Variants in THSD4 observed in about 807,000 individuals in gnomAD.
THSD4 encodes the protein thrombospondin type 1 domain containing 4.
THSD4 carries 69 observed loss-of-function variants against 119.0 expected under a neutral mutation model. The observed-to-expected ratio is 0.58, with a 90% confidence interval of 0.48 to 0.71. THSD4 has a LOEUF of 0.71. Ranked by LOEUF, THSD4 falls within the 30% of genes least tolerant of loss-of-function variation. THSD4 has a pLI of 0.00. For synonymous variants in THSD4, 524 were observed against 540.4 expected, an observed-to-expected ratio of 0.97 and a Z score of 0.42; for missense variants, 1,393 against 1,391.1, an observed-to-expected ratio of 1.00 and a Z score of -0.02.
At chr15:71,697,114 A>G (rs748112092) in intron 8 of THSD4, among the ~76,000 whole-genome samples, 1 of 152,222 alleles carries the variant, frequency 6.6e-6, no homozygotes, top group Non-Finnish European at 1.5e-5. Context: ...TCAAGTGGCC[A>G]CTGTTAAGAG....
intron 6 of THSD4, among the ~76,000 whole-genome samples, chr15:71,381,582 C>G (rs1205308642): frequency 6.6e-6 from 1 of 152,164 alleles, no homozygotes; most frequent in Admixed American, 6.5e-5. Flanking sequence ...TTTCCATGAA[C>G]CTCCTTGGAC....
intron 4 of THSD4, among the ~76,000 whole-genome samples, chr15:71,240,798 T>TACACACACAC (rs58462444): frequency 6.9e-6 from 1 of 145,512 alleles, no homozygotes; most frequent in Non-Finnish European, 1.5e-5. Flanking sequence ...TATATGTGTA[T>TACACACACAC]ACACACACAC....
intron 7 of THSD4, among the ~76,000 whole-genome samples, chr15:71,658,783 A>G (rs2051239925): frequency 1.3e-5 from 2 of 152,216 alleles, no homozygotes. Flanking sequence ...GGATGAGCAT[A>G]TTGAGATGAT....
At chr15:71,145,395 G>T (rs2040647808) in intron 2 of THSD4, among the ~76,000 whole-genome samples, 1 of 152,120 alleles carries the variant, frequency 6.6e-6, no homozygotes, top group Non-Finnish European at 1.5e-5. Context: ...TCTTATGAGG[G>T]AGACTTCTGG....
intron 8 of THSD4, among the ~76,000 whole-genome samples, chr15:71,697,419 T>C (rs1441310616): frequency 6.6e-6 from 1 of 152,142 alleles, no homozygotes; most frequent in East Asian, 1.9e-4. Context: ...TCAGGACAAC[T>C]CTTGCTCAGG....
At chr15:71,317,046 A>G (rs2045196947) in intron 6 of THSD4, among the ~76,000 whole-genome samples, 2 of 152,250 alleles carry the variant, frequency 1.3e-5, no homozygotes, top group Non-Finnish European at 2.9e-5. Context: ...TAGATTGCCT[A>G]AGTGTTTGCT....
At chr15:71,144,955 A>G (rs762312754) in intron 2 of THSD4, among the ~76,000 whole-genome samples, 4 of 152,180 alleles carry the variant, frequency 2.6e-5, no homozygotes, top group Non-Finnish European at 5.9e-5. Context: ...AGGAAATGGC[A>G]CTAAATGATA....
At chr15:71,130,767 C>T (rs562779605) in intron 1 of THSD4, among the ~76,000 whole-genome samples, 15 of 152,232 alleles carry the variant, frequency 9.9e-5, no homozygotes, top group South Asian at 8.3e-4. Context: ...TTTTTTGAGA[C>T]GGAGTCTTGC....
chr15:71,400,046 T>C (rs2046506302), intron 6 of THSD4, among the ~76,000 whole-genome samples: 1 of 152,104 alleles, frequency 6.6e-6, no homozygotes, highest in South Asian at 2.1e-4. Context: ...TAAAAAGAAA[T>C]TTTTGTTCAC....
At chr15:71,341,401 A>C (rs1245620133) in intron 6 of THSD4, 1 of 1,611,814 alleles carries the variant, frequency 6.2e-7, no homozygotes, top group South Asian at 1.1e-5. Flanking sequence ...CTAAACCCTT[A>C]AGTTCAGCAT....
At chr15:71,501,467 C>T (rs1415054157) in intron 7 of THSD4, among the ~76,000 whole-genome samples, 1 of 152,176 alleles carries the variant, frequency 6.6e-6, no homozygotes, top group African/African-American at 2.4e-5. Flanking sequence ...TTCTCAATCT[C>T]CCCTCCCTTT....
intron 7 of THSD4, among the ~76,000 whole-genome samples, chr15:71,597,231 G>T (rs766690817): frequency 6.6e-6 from 1 of 152,064 alleles, no homozygotes; most frequent in Non-Finnish European, 1.5e-5. Context: ...GTGCTACCCG[G>T]AATCTCCTGT....
intron 7 of THSD4, among the ~76,000 whole-genome samples, chr15:71,444,595 G>A (rs1428165996): frequency 1.3e-5 from 2 of 152,160 alleles, no homozygotes; most frequent in African/African-American, 4.8e-5. Context: ...CTAAACCTGA[G>A]CTCATTATAT....
chr15:71,564,693 A>T (rs111804755), intron 7 of THSD4, among the ~76,000 whole-genome samples: 1 of 17,910 alleles, frequency 5.6e-5, no homozygotes, highest in South Asian at 9.3e-4. Flanking sequence ...TACAATATAT[A>T]GTATAACATA....
intron 7 of THSD4, among the ~76,000 whole-genome samples, chr15:71,579,792 A>C (rs2049523637): frequency 6.6e-6 from 1 of 152,220 alleles, no homozygotes; most frequent in Admixed American, 6.5e-5. Flanking sequence ...TAAGTAGAGC[A>C]ATTAAAAACC....
At chr15:71,413,507 T>C (rs576855602) in intron 7 of THSD4, among the ~76,000 whole-genome samples, 1 of 152,170 alleles carries the variant, frequency 6.6e-6, no homozygotes, top group East Asian at 1.9e-4. Context: ...TCTTCAGGAG[T>C]TCAATTTTGG....
At chr15:71,197,172 G>A (rs934392023) in intron 3 of THSD4, among the ~76,000 whole-genome samples, 5 of 152,136 alleles carry the variant, frequency 3.3e-5, no homozygotes, top group African/African-American at 1.2e-4. Flanking sequence ...AACCTAATGC[G>A]ACCTGCCCCA....
intron 11 of THSD4, 27 bp from the exon 12 acceptor site, chr15:71,745,079 C>G: frequency 6.2e-7 from 1 of 1,605,522 alleles, no homozygotes; most frequent in Non-Finnish European, 8.5e-7. Context: ...GTGGGACTGT[C>G]CTTCAGACAT....
intron 7 of THSD4, among the ~76,000 whole-genome samples, chr15:71,573,058 T>C (rs1258675726): frequency 6.6e-6 from 1 of 152,068 alleles, no homozygotes; most frequent in East Asian, 1.9e-4. Context: ...GGGTTACACA[T>C]AGAGGCCTGA....
Sources: gnomAD v4.1 joint callset for allele counts (sites outside exome capture counted in the v4.1 genomes callset) on GRCh38, gnomAD v4.1.1 for gene constraint, MANE v1.5 for transcripts, NCBI Gene and HGNC (gene_info 2026-07-23, HGNC 2026-07-21) for gene names.